CREB5: variants seen among roughly 807,000 people sequenced by gnomAD.
CREB5 encodes the protein cyclic AMP-responsive element-binding protein 5.
A neutral mutation model predicts 57.1 loss-of-function variants in CREB5; 19 were observed. The observed-to-expected ratio is 0.33, with a 90% confidence interval of 0.23 to 0.49. The LOEUF (loss-of-function observed/expected upper bound fraction) is 0.49, where lower values mean the gene tolerates loss of function less well. Ranked by LOEUF, CREB5 falls within the 20% of genes least tolerant of loss-of-function variation. The pLI is 0.99. For missense variants in CREB5, 579 were observed against 671.6 expected, an observed-to-expected ratio of 0.86 and a Z score of 1.52; for synonymous variants, 238 against 238.3, an observed-to-expected ratio of 1.00 and a Z score of 0.01.
At chr7:28,486,840 C>G (rs1312377963) in intron 1 of CREB5, among the ~76,000 whole-genome samples, 2 of 151,110 alleles carry the variant, frequency 1.3e-5, no homozygotes, top group South Asian at 4.2e-4. Context: ...TGTGGTGGCT[C>G]ATGCTTGTAA....
intron 5 of CREB5, among the ~76,000 whole-genome samples, chr7:28,670,088 A>G (rs918989898): frequency 6.6e-6 from 1 of 152,204 alleles, no homozygotes; most frequent in Non-Finnish European, 1.5e-5. Context: ...CTCCCTGTCT[A>G]CAGGGGACAC....
At chr7:28,641,072 C>T (rs1798639968) in intron 5 of CREB5, among the ~76,000 whole-genome samples, 1 of 152,134 alleles carries the variant, frequency 6.6e-6, no homozygotes, top group Admixed American at 6.5e-5. Flanking sequence ...ATCTCTGCAT[C>T]AAGTCAGGGG....
intron 9 of CREB5, among the ~76,000 whole-genome samples, chr7:28,812,359 G>T (rs1428851389): frequency 6.6e-6 from 1 of 152,210 alleles, no homozygotes; most frequent in Non-Finnish European, 1.5e-5. Flanking sequence ...TGAGGCCAGA[G>T]GTGTTCGTGA....
chr7:28,333,935 T>C (rs1308359892), intron 1 of CREB5, among the ~76,000 whole-genome samples: 2 of 152,218 alleles, frequency 1.3e-5, no homozygotes, highest in African/African-American at 2.4e-5. Context: ...CCAGATTATA[T>C]GACAGCTCTA....
At chr7:28,319,572 G>A (rs1785452829) in intron 1 of CREB5, among the ~76,000 whole-genome samples, 2 of 152,152 alleles carry the variant, frequency 1.3e-5, no homozygotes, top group African/African-American at 2.4e-5. Context: ...AGTGCCTTTC[G>A]GTGTTCATCT....
intron 5 of CREB5, among the ~76,000 whole-genome samples, chr7:28,657,512 C>T (rs1300566101): frequency 6.6e-6 from 1 of 151,962 alleles, no homozygotes; most frequent in African/African-American, 2.4e-5. Flanking sequence ...AGGTGGATCA[C>T]AAGGTCAGGA....
intron 5 of CREB5, among the ~76,000 whole-genome samples, chr7:28,646,589 T>G (rs1798898401): frequency 6.6e-6 from 1 of 152,128 alleles, no homozygotes; most frequent in Non-Finnish European, 1.5e-5. Context: ...TCAAGAGAGA[T>G]AGTGCCGGTT....
intron 1 of CREB5, among the ~76,000 whole-genome samples, chr7:28,481,973 G>A (rs1910553): frequency 6.6e-6 from 1 of 151,950 alleles, no homozygotes; most frequent in Non-Finnish European, 1.5e-5. Context: ...ATTTTTCTGT[G>A]GAAAGTTACA....
Position 28,528,704 on chromosome 7 carries a change from CAAAAA to C in CREB5, c.291+20987_291+20991del, listed in dbSNP as rs778154325. 7.4e-3 allele frequency among the ~76,000 whole-genome samples: 431 copies of C among 58,388 alleles called. 2 individuals carry two copies. Among genetic ancestry groups the C allele is most frequent in the African/African-American group, 0.023 (383 of 16,700 alleles). The allele number at this position is 58,388 out of a possible 152,430, so 38.3% of individuals were successfully genotyped here. A position where few individuals can be genotyped will look rare whatever the true frequency, so the allele number is the denominator to read the frequency against. On this transcript the variant is annotated intron_variant, in intron 4 of 10. Transcript: ENST00000357727. Reference sequence around the variant, plus strand: ...GGGCAACAAGAGCGAAACTCCATCTCAAAAAAAAAAAAAAAAAAAAAAAAGAGCGT... The same window carrying C: ...GGGCAACAAGAGCGAAACTCCATCTCAAAAAAAAAAAAAAAAAAAGAGCGT...
Position 28,821,475 on chromosome 7 carries a change from A to C in CREB5, c.*2196A>C, listed in dbSNP as rs1282815342. The C allele has an allele frequency of 6.6e-6, 1 of 151,474 alleles. No homozygotes were observed. Among genetic ancestry groups the C allele is most frequent in the Non-Finnish European group, 1.5e-5 (1 of 67,862 alleles). 9.4% of individuals were successfully genotyped at this position (151,474 alleles called of 1,614,324 possible). A position where few individuals can be genotyped will look rare whatever the true frequency, so the allele number is the denominator to read the frequency against. ...CAAAACAAAAGCAAAAAAAAAAAGCAAAAAAAGAAAAGAGAAAAAAAGAAA... is the reference window on the plus strand; with the variant it reads ...CAAAACAAAAGCAAAAAAAAAAAGCCAAAAAAGAAAAGAGAAAAAAAGAAA... On this transcript the variant is annotated 3_prime_UTR_variant, in exon 11 of 11. Coordinates refer to ENST00000357727, the MANE Select transcript of CREB5 (RefSeq NM_182898.4).
intron 1 of CREB5, among the ~76,000 whole-genome samples, chr7:28,442,320 A>C (rs1291186698): frequency 6.6e-6 from 1 of 151,996 alleles, no homozygotes; most frequent in Non-Finnish European, 1.5e-5. Flanking sequence ...TATATGCCAC[A>C]TTTTCTTCAT....
At chr7:28,457,109 C>A (rs1790127659) in intron 1 of CREB5, among the ~76,000 whole-genome samples, 1 of 152,102 alleles carries the variant, frequency 6.6e-6, no homozygotes, top group South Asian at 2.1e-4. Flanking sequence ...TGAATGTATT[C>A]TCTTATTAGG....
At chr7:28,313,645 A>G (rs1291654805) in intron 1 of CREB5, among the ~76,000 whole-genome samples, 3 of 152,142 alleles carry the variant, frequency 2.0e-5, no homozygotes, top group Non-Finnish European at 2.9e-5. Flanking sequence ...CAGTTCAGGG[A>G]TTTCTGTGGA....
chr7:28,607,735 CTG>C (rs573980917), intron 5 of CREB5, among the ~76,000 whole-genome samples: 4,469 of 129,082 alleles, frequency 0.035, 109 homozygotes, highest in African/African-American at 0.064. Context: ...GCCCACAGGG[CTG>C]TGTGTGTGTG....
chr7:28,533,218 A>G (rs1793804807), intron 4 of CREB5, among the ~76,000 whole-genome samples: 1 of 152,204 alleles, frequency 6.6e-6, no homozygotes, highest in South Asian at 2.1e-4. Flanking sequence ...AAAGAAAAAA[A>G]GAAAGAGCCA....
upstream of CREB5, chr7:28,410,124 C>T (rs952368365): frequency 5.2e-6 from 2 of 383,476 alleles, no homozygotes; most frequent in East Asian, 7.3e-5. Context: ...GCTGCCACCT[C>T]TCCCGCCGGG....
intron 4 of CREB5, among the ~76,000 whole-genome samples, chr7:28,564,938 G>A (rs1379315418): frequency 6.6e-6 from 1 of 152,196 alleles, no homozygotes; most frequent in East Asian, 1.9e-4. Context: ...GAAGAGACTT[G>A]TGGAGTGTCA....
At chr7:28,366,984 A>G (rs11976819) in intron 1 of CREB5, among the ~76,000 whole-genome samples, 13,159 of 152,174 alleles carry the variant, frequency 0.086, 1,080 homozygotes, top group African/African-American at 0.21. Flanking sequence ...GAGAGAGTAC[A>G]TAAGAAGTTG....
chr7:28,818,053 A>G lies in CREB5; in HGVS notation c.1255-18A>G. 1 of 1,600,210 alleles carries G rather than the reference A, an allele frequency of 6.2e-7. No individual in the cohort carries two copies. Among genetic ancestry groups the G allele is most frequent in the South Asian group, 1.1e-5 (1 of 90,018 alleles). ...CCTCTGGTCTTCTCAACATGGTTTT[A>G]ATACATATCTCTTTTAGAATGAAGT... On this transcript the variant is annotated intron_variant, in intron 9 of 10. Transcript: ENST00000357727.
Sources: allele counts gnomAD v4.1 joint callset (sites outside exome capture counted in the v4.1 genomes callset), GRCh38; gene constraint gnomAD v4.1.1; transcripts MANE v1.5; gene names NCBI Gene and HGNC (gene_info 2026-07-23, HGNC 2026-07-21).